The following RANBP10 variants were observed in gnomAD, a reference collection of about 807,000 sequenced individuals.
RANBP10 encodes ran-binding protein 10.
RANBP10 carries 24 observed loss-of-function variants against 72.8 expected under a neutral mutation model. The observed-to-expected ratio is 0.33, with a 90% CI of 0.24 to 0.46. The LOEUF (loss-of-function observed/expected upper bound fraction) is 0.46. Ranked by LOEUF, RANBP10 falls within the 20% of genes least tolerant of loss-of-function variation. The pLI is 1.00. For synonymous variants in RANBP10, 310 were observed against 322.3 expected, an observed-to-expected ratio of 0.96 and a Z score of 0.41; for missense variants, 679 against 817.5, an observed-to-expected ratio of 0.83 and a Z score of 2.07.
chr16:67,733,912 T>C (rs1448741028), intron 6 of RANBP10, among the ~76,000 whole-genome samples: 2 of 152,232 alleles, frequency 1.3e-5, no homozygotes, highest in African/African-American at 4.8e-5. Flanking sequence ...TTCACCCCTC[T>C]TCTTGGCAAT....
rs373020147 is a variant in RANBP10, at chr16:67,734,850, G to A, written c.776+8C>T. ...GGGAGTGGGTAAGGGCAGGAGCAGG[G>A]CACTCACTTCTGCAGCACTGCCTGC... On this transcript the variant is annotated splice_region_variant and intron_variant, in intron 6 of 13. Coordinates refer to ENST00000317506, the MANE Select transcript of RANBP10 (RefSeq NM_020850.3). 1.3e-6 allele frequency: 2 copies of A among 1,574,206 alleles called. No homozygotes were observed. Among genetic ancestry groups the A allele is most frequent in the Non-Finnish European group, 8.6e-7 (1 of 1,156,664 alleles).
At chr16:67,747,954 G>A (rs1351130717) in intron 3 of RANBP10, among the ~76,000 whole-genome samples, 2 of 150,938 alleles carry the variant, frequency 1.3e-5, no homozygotes, top group Admixed American at 6.6e-5. Flanking sequence ...CCGAGTAGCT[G>A]GGACTACAGG....
Position 67,806,466 on chromosome 16 carries a change from C to G in RANBP10, c.71G>C (p.Gly24Ala), listed in dbSNP as rs1231614941. 1.3e-6 allele frequency: 2 copies of G among 1,557,866 alleles called. No individual in the cohort carries two copies. The highest frequency in any genetic ancestry group is 2.4e-5 in the East Asian group (1 of 41,664). Reference protein sequence around the residue: ...QPGDSSGGGAGGGLPSPGEQE... With the variant: ...QPGDSSGGGAAGGLPSPGEQE... ...CTCCCCAGGGGACGGCAGCCCGCCC[C>G]CAGCGCCCCCGCCGGAGGAGTCCCC... The change falls in exon 1 of 14, where the codon GGG becomes GCG. Residue 24 changes from glycine to alanine, a missense_variant. Physicochemically the swap from Gly to Ala is moderately conservative, Grantham distance 60. Coordinates refer to ENST00000317506, the MANE Select transcript of RANBP10 (RefSeq NM_020850.3).
At chr16:67,790,574 G>A (rs1416363502) in intron 2 of RANBP10, among the ~76,000 whole-genome samples, 1 of 151,802 alleles carries the variant, frequency 6.6e-6, no homozygotes, top group Non-Finnish European at 1.5e-5. Flanking sequence ...GGGAGGCCCT[G>A]GCACAGAGCA....
chr16:67,747,073 A>G (rs967528585), intron 3 of RANBP10, among the ~76,000 whole-genome samples: 7 of 152,222 alleles, frequency 4.6e-5, no homozygotes, highest in Admixed American at 6.6e-5. Flanking sequence ...GGGTTATAAG[A>G]TAAGTGTATG....
chr16:67,792,252 C>G (rs2055041871), intron 2 of RANBP10, among the ~76,000 whole-genome samples: 2 of 151,852 alleles, frequency 1.3e-5, no homozygotes, highest in Admixed American at 6.6e-5. Flanking sequence ...GGCCTTAGAA[C>G]TATTCAAAAA....
At chr16:67,728,567 G>A in intron 10 of RANBP10, 56 bp from the exon 11 acceptor site, 2 of 1,612,030 alleles carry the variant, frequency 1.2e-6, no homozygotes, top group Non-Finnish European at 1.7e-6. Context: ...GGAGCAGCCT[G>A]GTTGGGCCTC....
intron 3 of RANBP10, among the ~76,000 whole-genome samples, chr16:67,748,384 G>C (rs577440903): frequency 2.0e-5 from 3 of 151,690 alleles, no homozygotes; most frequent in Non-Finnish European, 2.9e-5. Flanking sequence ...TTAGCCGGGC[G>C]TGGTGGCGGG....
chr16:67,728,325 G>C, intron 11 of RANBP10, 65 bp downstream of exon 11: 5 of 1,560,522 alleles, frequency 3.2e-6, no homozygotes, highest in Non-Finnish European at 4.4e-6. Flanking sequence ...GCCCCTCCCA[G>C]GGGAAGAGGG....
intron 2 of RANBP10, among the ~76,000 whole-genome samples, chr16:67,783,666 ATGTC>A (rs1008726596): frequency 1.3e-5 from 2 of 152,182 alleles, no homozygotes; most frequent in African/African-American, 2.4e-5. Flanking sequence ...TCACAGAAAA[ATGTC>A]TGTGCACATT....
chr16:67,765,386 C>T (rs574736225), intron 3 of RANBP10, among the ~76,000 whole-genome samples: 9 of 151,798 alleles, frequency 5.9e-5, no homozygotes, highest in South Asian at 2.1e-4. Context: ...ATTAGCTGGG[C>T]GTGGTGGTGC....
At chr16:67,788,509 G>A (rs1177394815) in intron 2 of RANBP10, among the ~76,000 whole-genome samples, 3 of 150,212 alleles carry the variant, frequency 2.0e-5, no homozygotes, top group East Asian at 2.0e-4. Flanking sequence ...CACCCGCCTC[G>A]GCCTCCCAAA....
chr16:67,771,561 T>G (rs2054608186), intron 3 of RANBP10, among the ~76,000 whole-genome samples: 1 of 152,120 alleles, frequency 6.6e-6, no homozygotes, highest in Non-Finnish European at 1.5e-5. Context: ...GCCAGGCTGG[T>G]CTCGAACTCC....
chr16:67,773,243 A>G (rs7206671), intron 2 of RANBP10, among the ~76,000 whole-genome samples: 46,571 of 151,926 alleles, frequency 0.31, 10,974 homozygotes, highest in African/African-American at 0.66. Context: ...AAAAGAGTAT[A>G]GCACCTCCCC....
intron 3 of RANBP10, among the ~76,000 whole-genome samples, chr16:67,749,663 G>A (rs888652247): frequency 6.6e-6 from 1 of 152,184 alleles, no homozygotes; most frequent in Non-Finnish European, 1.5e-5. Flanking sequence ...TGACCTCAGA[G>A]AAATAGCTCT....
At chr16:67,726,717 C>T (rs1597814561) in intron 13 of RANBP10, among the ~76,000 whole-genome samples, 159 bp from the exon 14 acceptor site, 1 of 152,162 alleles carries the variant, frequency 6.6e-6, no homozygotes. Context: ...AGGCCATGGC[C>T]CTGAAGTCAT....
At chr16:67,789,389 G>A (rs2143017853) in intron 2 of RANBP10, among the ~76,000 whole-genome samples, 1 of 151,620 alleles carries the variant, frequency 6.6e-6, no homozygotes, top group Admixed American at 6.6e-5. Flanking sequence ...GTGGCTAGAG[G>A]ATTTCTTGAG....
intron 3 of RANBP10, among the ~76,000 whole-genome samples, chr16:67,746,273 A>G (rs1168856819): frequency 6.6e-6 from 1 of 151,944 alleles, no homozygotes; most frequent in East Asian, 1.9e-4. Context: ...TGAGGTCAGG[A>G]GATCAAGACC....
intron 2 of RANBP10, among the ~76,000 whole-genome samples, chr16:67,800,108 G>A (rs1258743315): frequency 2.6e-5 from 4 of 151,776 alleles, no homozygotes; most frequent in Admixed American, 6.6e-5. Flanking sequence ...GCAACAGAGC[G>A]AGACTCTGTT....
Sources: gnomAD v4.1 joint callset for allele counts (sites outside exome capture counted in the v4.1 genomes callset) on GRCh38, gnomAD v4.1.1 for gene constraint, MANE v1.5 for transcripts, NCBI Gene and HGNC (gene_info 2026-07-23, HGNC 2026-07-21) for gene names.